The following RBFOX1 variants were observed in gnomAD, a reference collection of about 807,000 sequenced individuals.
RBFOX1 encodes the protein RNA binding fox-1 homolog 1.
Under a neutral mutation model 57.7 loss-of-function variants are expected in RBFOX1, and 8 were observed. The observed-to-expected ratio is 0.14, with a 90% CI of 0.08 to 0.25. RBFOX1 has a LOEUF of 0.25. RBFOX1 is among the 10% of genes least tolerant of loss of function. The probability of loss-of-function intolerance (pLI) is 1.00; values close to 1 mark genes in which losing one functional copy is unlikely to be tolerated. For missense variants in RBFOX1, 611 were observed against 548.5 expected (o/e 1.11, Z -1.14); for synonymous variants, 326 against 222.4 (o/e 1.47, Z -4.15).
chr16:6,905,624 T>C (rs1198045494), intron 3 of RBFOX1, among the ~76,000 whole-genome samples: 2 of 152,032 alleles, frequency 1.3e-5, no homozygotes, highest in East Asian at 1.9e-4. Flanking sequence ...ACTTTGTGTT[T>C]ATTCCAATTT....
chr16:5,971,669 G>T (rs2059964047), intron 4 of RBFOX1, among the ~76,000 whole-genome samples: 2 of 152,104 alleles, frequency 1.3e-5, no homozygotes, highest in African/African-American at 4.8e-5. Flanking sequence ...GCCTTCCCTA[G>T]GTCAGAGTCA....
At chr16:5,263,870 A>G (rs182633372) in intron 1 of RBFOX1, among the ~76,000 whole-genome samples, 1 of 152,354 alleles carries the variant, frequency 6.6e-6, no homozygotes, top group African/African-American at 2.4e-5. Context: ...ATATTGCTGA[A>G]GAGAAGTGAA....
At chr16:5,398,929 G>C (rs961493321) in intron 1 of RBFOX1, among the ~76,000 whole-genome samples, 3 of 152,206 alleles carry the variant, frequency 2.0e-5, no homozygotes, top group Non-Finnish European at 4.4e-5. Context: ...GAACCAGAAA[G>C]GTGGCTGCGA....
intron 3 of RBFOX1, among the ~76,000 whole-genome samples, chr16:6,773,554 TTGTG>T (rs1016089212): frequency 3.1e-5 from 4 of 128,142 alleles, no homozygotes; most frequent in African/African-American, 1.2e-4. Context: ...TAGGGTGCAT[TTGTG>T]TGTGTATGTG....
rs1384234562 is a variant in RBFOX1 at position 7,080,489 on chromosome 16, T to G, written c.27+28391T>G. Among the ~76,000 whole-genome samples, 4 of 152,166 alleles carry G rather than the reference T, an allele frequency of 2.6e-5. No homozygotes were observed. In the East Asian group the frequency reaches 7.7e-4, roughly 29 times the overall value. The stretch of plus-strand genomic sequence containing the variant: ...ACAGAGCCTCATTCCTTAGGGAATG[T>G]GTGTTTTTCCCCTTCATGTTTGTTA... On this transcript the variant is annotated intron_variant, in intron 4 of 15. Transcript: ENST00000550418.
intron 4 of RBFOX1, among the ~76,000 whole-genome samples, chr16:7,151,375 A>T (rs1314208865): frequency 6.6e-6 from 1 of 152,178 alleles, no homozygotes; most frequent in East Asian, 1.9e-4. Flanking sequence ...TTAGGACTGC[A>T]AAAGATATGT....
At chr16:6,140,406 G>T (rs188995479) in intron 1 of RBFOX1, among the ~76,000 whole-genome samples, 222 of 152,082 alleles carry the variant, frequency 1.5e-3, no homozygotes, top group Non-Finnish European at 2.9e-3. Flanking sequence ...GTGTTGGCCA[G>T]GCTAGCCTCG....
In RBFOX1 at chr16:5,241,938, C is replaced by CAAA. The variant is rs58653312; in HGVS notation, c.219+1842_219+1844dup. Among the ~76,000 whole-genome samples the CAAA allele has an allele frequency of 2.0e-3, 292 of 144,662 alleles. 2 individuals are homozygous for CAAA. Among genetic ancestry groups the CAAA allele is most frequent in the African/African-American group, 6.9e-3 (276 of 39,804 alleles). 94.9% of individuals were successfully genotyped at this position (144,662 alleles called of 152,430 possible). On this transcript the variant is annotated intron_variant, in intron 1 of 2. Transcript: ENST00000585867. ...CAACGTGGTGAAGCCTCGCATCTAC[C>CAAA]AAAAAAAAAAATAATAATAATAAAA...
intron 3 of RBFOX1, among the ~76,000 whole-genome samples, chr16:6,951,757 G>A (rs2080810433): frequency 6.6e-6 from 1 of 151,908 alleles, no homozygotes; most frequent in Non-Finnish European, 1.5e-5. Context: ...CTTTTGAGAT[G>A]GAGTCTCGCT....
intron 4 of RBFOX1, among the ~76,000 whole-genome samples, chr16:5,932,574 G>T (rs2059084850): frequency 1.3e-5 from 2 of 152,124 alleles, no homozygotes; most frequent in Admixed American, 1.3e-4. Context: ...TAAGGTTGTC[G>T]TGATTTGTTC....
At chr16:7,101,128 C>T (rs911762882) in intron 4 of RBFOX1, among the ~76,000 whole-genome samples, 2 of 152,134 alleles carry the variant, frequency 1.3e-5, no homozygotes, top group South Asian at 4.1e-4. Flanking sequence ...AGGCACTAAA[C>T]GATGCCTGCC....
At chr16:7,387,836 T>A (rs1376898460) in intron 4 of RBFOX1, among the ~76,000 whole-genome samples, 1 of 151,932 alleles carries the variant, frequency 6.6e-6, no homozygotes, top group Non-Finnish European at 1.5e-5. Flanking sequence ...GTTTAAAACG[T>A]CTCTGGAATT....
At position 6,745,147 on chromosome 16, in the gene RBFOX1, G is replaced by C. The variant is rs143988304; in HGVS notation, c.-16+90497G>C. Among the ~76,000 whole-genome samples, 774 of 152,156 alleles carry C rather than the reference G, an allele frequency of 5.1e-3. 4 individuals are homozygous for C. Among genetic ancestry groups the C allele is most frequent in the Non-Finnish European group, 7.0e-3 (476 of 67,942 alleles). The stretch of plus-strand genomic sequence containing the variant: ...TCACTAAAGAAGAAATAGATCATCT[G>C]AATTTCCTGATATATATCAAATAAA... On this transcript the variant is annotated intron_variant, in intron 3 of 15. Transcript: ENST00000550418.
intron 2 of RBFOX1, among the ~76,000 whole-genome samples, chr16:6,474,062 A>G (rs981292134): frequency 3.3e-5 from 5 of 152,084 alleles, no homozygotes; most frequent in African/African-American, 1.2e-4. Context: ...TGGGCTGGTT[A>G]CTGCAAACTG....
intron 4 of RBFOX1, among the ~76,000 whole-genome samples, chr16:7,458,118 A>G (rs2058883875): frequency 6.6e-6 from 1 of 152,148 alleles, no homozygotes; most frequent in Non-Finnish European, 1.5e-5. Context: ...GCCGTATTCC[A>G]GTAAGTTGCC....
intron 2 of RBFOX1, among the ~76,000 whole-genome samples, chr16:5,493,882 T>A (rs1039759751): frequency 3.3e-5 from 5 of 152,158 alleles, no homozygotes; most frequent in African/African-American, 1.2e-4. Context: ...AATATGAAAT[T>A]AATCACCCTG....
At chr16:7,385,923 TTTATTTATTTATTTA>T (rs2097868967) in intron 4 of RBFOX1, among the ~76,000 whole-genome samples, 2 of 119,998 alleles carry the variant, frequency 1.7e-5, no homozygotes, top group African/African-American at 3.0e-5. Context: ...CAGTTACTTA[TTTATTTATTTATTTA>T]TTTATTTATT....
intron 4 of RBFOX1, among the ~76,000 whole-genome samples, chr16:7,392,666 C>G (rs1377291029): frequency 1.3e-5 from 2 of 152,014 alleles, no homozygotes. Context: ...GTGATAAAGC[C>G]CAAGTCATAG....
chr16:5,265,382 T>G (rs1159998001), intron 1 of RBFOX1, among the ~76,000 whole-genome samples: 2 of 152,224 alleles, frequency 1.3e-5, no homozygotes, highest in African/African-American at 2.4e-5. Context: ...CAGTGATACT[T>G]GAACCCCTTA....
Sources: gnomAD v4.1 joint callset for allele counts (sites outside exome capture counted in the v4.1 genomes callset) on GRCh38, gnomAD v4.1.1 for gene constraint, MANE v1.5 for transcripts, NCBI Gene and HGNC (gene_info 2026-07-23, HGNC 2026-07-21) for gene names.